Variants in MACROD2 observed in about 807,000 individuals in gnomAD.
The protein encoded by MACROD2 is ADP-ribose glycohydrolase MACROD2.
In MACROD2, 36 loss-of-function variants were observed where a neutral mutation model predicts 70.4. That is an observed-to-expected ratio of 0.51 (90% CI 0.39 to 0.68). MACROD2 has a LOEUF of 0.68. Ranked by LOEUF, MACROD2 falls within the 30% of genes least tolerant of loss-of-function variation. MACROD2 has a pLI of 0.00. For missense variants in MACROD2, 496 were observed against 538.4 expected (o/e 0.92, Z 0.78); for synonymous variants, 172 against 178.8 (o/e 0.96, Z 0.30).
intron 8 of MACROD2, among the ~76,000 whole-genome samples, chr20:15,690,049 A>G (rs1478622984): frequency 2.0e-5 from 3 of 152,194 alleles, no homozygotes; most frequent in Non-Finnish European, 4.4e-5. Flanking sequence ...ATGAAAAACC[A>G]TCTAATGGTT....
At chr20:15,872,741 A>T (rs1027192901) in intron 9 of MACROD2, among the ~76,000 whole-genome samples, 2 of 152,210 alleles carry the variant, frequency 1.3e-5, no homozygotes, top group Non-Finnish European at 2.9e-5. Context: ...CAGAAGTAAG[A>T]TAGGTTTATA....
intron 5 of MACROD2, among the ~76,000 whole-genome samples, chr20:14,967,394 A>G (rs903141319): frequency 5.9e-5 from 9 of 151,868 alleles, no homozygotes; most frequent in Non-Finnish European, 2.9e-5. Context: ...GAATTCCTGA[A>G]CTCAGGCAAT....
At chr20:15,533,089 A>G (rs972242879) in intron 8 of MACROD2, among the ~76,000 whole-genome samples, 14 of 152,104 alleles carry the variant, frequency 9.2e-5, no homozygotes, top group Admixed American at 3.3e-4. Flanking sequence ...AATAGGTGTA[A>G]TGATGTTATT....
At chr20:16,043,985 G>A (rs1055917875) in intron 16 of MACROD2, among the ~76,000 whole-genome samples, 1 of 152,058 alleles carries the variant, frequency 6.6e-6, no homozygotes, top group African/African-American at 2.4e-5. Context: ...AGGCAATCCT[G>A]CCCTCCCACA....
chr20:15,237,597 T>C (rs1331844311), intron 6 of MACROD2, among the ~76,000 whole-genome samples: 1 of 152,086 alleles, frequency 6.6e-6, no homozygotes, highest in Non-Finnish European at 1.5e-5. Context: ...ACGTGCTTTC[T>C]ATAGGAGGTG....
intron 8 of MACROD2, among the ~76,000 whole-genome samples, chr20:15,633,801 A>T (rs2049326001): frequency 6.6e-6 from 1 of 152,210 alleles, no homozygotes; most frequent in Non-Finnish European, 1.5e-5. Flanking sequence ...AACTACAATT[A>T]GATGTTTGTC....
At chr20:16,001,606 C>A (rs1474071866) in intron 15 of MACROD2, among the ~76,000 whole-genome samples, 2 of 151,938 alleles carry the variant, frequency 1.3e-5, no homozygotes, top group Non-Finnish European at 2.9e-5. Flanking sequence ...TTAAATTGAA[C>A]CTAATTTTAT....
At chr20:14,056,202 AAC>A (rs1304774005) in intron 2 of MACROD2, among the ~76,000 whole-genome samples, 1 of 152,068 alleles carries the variant, frequency 6.6e-6, no homozygotes, top group Non-Finnish European at 1.5e-5. Flanking sequence ...ATTATTAGCA[AAC>A]ACTTATGTAT....
chr20:15,786,428 GA>G (rs1433885603), intron 8 of MACROD2, among the ~76,000 whole-genome samples: 2 of 152,016 alleles, frequency 1.3e-5, no homozygotes. Context: ...CAAGGATAAA[GA>G]AAAAAATATC....
intron 15 of MACROD2, among the ~76,000 whole-genome samples, chr20:16,025,065 C>T (rs1399001428): frequency 1.3e-5 from 2 of 152,202 alleles, no homozygotes; most frequent in African/African-American, 4.8e-5. Context: ...GACAGACTCT[C>T]TAGTTTGGTA....
At chr20:14,545,465 C>G (rs2123244614) in intron 4 of MACROD2, among the ~76,000 whole-genome samples, 1 of 152,284 alleles carries the variant, frequency 6.6e-6, no homozygotes, top group African/African-American at 2.4e-5. Flanking sequence ...ACAGCTCCAC[C>G]AGTCCCTTGC....
intron 8 of MACROD2, among the ~76,000 whole-genome samples, chr20:15,808,514 T>C (rs1041412334): frequency 1.3e-5 from 2 of 152,230 alleles, no homozygotes; most frequent in Non-Finnish European, 2.9e-5. Flanking sequence ...TATTTTCTTA[T>C]AAATTATGAA....
At chr20:14,038,631 T>C (rs746736148) in intron 2 of MACROD2, among the ~76,000 whole-genome samples, 7 of 152,210 alleles carry the variant, frequency 4.6e-5, no homozygotes, top group Non-Finnish European at 7.3e-5. Context: ...TGGAAAGATG[T>C]GGTATTTTAT....
At chr20:15,230,462 T>TG (rs1475228269) in intron 6 of MACROD2, among the ~76,000 whole-genome samples, 10 of 152,202 alleles carry the variant, frequency 6.6e-5, no homozygotes, top group African/African-American at 2.4e-4. Flanking sequence ...TCTGGAGCCA[T>TG]GTTTAATCTC....
At chr20:14,591,374 G>T (rs1354117984) in intron 4 of MACROD2, among the ~76,000 whole-genome samples, 1 of 152,088 alleles carries the variant, frequency 6.6e-6, no homozygotes, top group Non-Finnish European at 1.5e-5. Flanking sequence ...AACTTTATTT[G>T]CTCTCTCTTA....
chr20:15,530,236 G>A (rs903300527), intron 8 of MACROD2, among the ~76,000 whole-genome samples: 1 of 152,138 alleles, frequency 6.6e-6, no homozygotes, highest in African/African-American at 2.4e-5. Flanking sequence ...GACAGTTGAG[G>A]TTCATTTGAT....
At chr20:14,978,570 C>T (rs1465831870) in intron 5 of MACROD2, among the ~76,000 whole-genome samples, 3 of 151,710 alleles carry the variant, frequency 2.0e-5, no homozygotes, top group Non-Finnish European at 2.9e-5. Flanking sequence ...TAGCCACAAA[C>T]TAGCTATGTG....
Position 15,211,100 on chromosome 20 carries a change from A to C in MACROD2, c.419-18840A>C, listed in dbSNP as rs984978485. ...CTATACCCATTAGTAGTCAGTGTTCATTCCCCCTTCCCCACTCCTTGACAA... is the reference window on the plus strand; with the variant it reads ...CTATACCCATTAGTAGTCAGTGTTCCTTCCCCCTTCCCCACTCCTTGACAA... On this transcript the variant is annotated intron_variant, in intron 5 of 17. Coordinates refer to ENST00000684519, the MANE Select transcript of MACROD2 (RefSeq NM_001351661.2). Among the ~76,000 whole-genome samples the C allele has an allele frequency of 2.6e-5, 4 of 152,290 alleles. 1 individual carries two copies. Among genetic ancestry groups the C allele is most frequent in the Admixed American group, 6.5e-5 (1 of 15,294 alleles).
chr20:15,994,966 A>G (rs1427617831), intron 15 of MACROD2, among the ~76,000 whole-genome samples: 2 of 152,182 alleles, frequency 1.3e-5, no homozygotes, highest in African/African-American at 2.4e-5. Context: ...ATATTAGGAA[A>G]TATAGTATTA....
Sources: gnomAD v4.1 joint callset for allele counts (sites outside exome capture counted in the v4.1 genomes callset) on GRCh38, gnomAD v4.1.1 for gene constraint, MANE v1.5 for transcripts, NCBI Gene and HGNC (gene_info 2026-07-23, HGNC 2026-07-21) for gene names.